ZNF365: variants seen among roughly 807,000 people sequenced by gnomAD.
ZNF365 encodes zinc finger protein 365.
A neutral mutation model predicts 35.0 loss-of-function variants in ZNF365; 22 were observed. That is an observed-to-expected ratio of 0.63 (90% CI 0.45 to 0.90). The LOEUF (loss-of-function observed/expected upper bound fraction) is 0.90. ZNF365 is among the 40% of genes least tolerant of loss of function. The pLI is 0.00. For synonymous variants in ZNF365, 188 were observed against 196.2 expected (o/e 0.96, Z 0.35); for missense variants, 448 against 500.3 (o/e 0.90, Z 1.00).
intron 3 of ZNF365, among the ~76,000 whole-genome samples, chr10:62,408,160 T>C (rs1839932109): frequency 6.6e-6 from 1 of 152,130 alleles, no homozygotes; most frequent in Admixed American, 6.5e-5. Context: ...GGAAAATAGA[T>C]AGAATGATGT....
chr10:62,469,098 C>T (rs751080036), intron 4 of ZNF365, among the ~76,000 whole-genome samples: 40 of 152,206 alleles, frequency 2.6e-4, no homozygotes, highest in Non-Finnish European at 5.3e-4. Flanking sequence ...TTCATGGCAA[C>T]AGTTTTGTGG....
At chr10:62,446,766 G>A (rs1293151856) in intron 3 of ZNF365, among the ~76,000 whole-genome samples, 1 of 152,152 alleles carries the variant, frequency 6.6e-6, no homozygotes, top group Non-Finnish European at 1.5e-5. Flanking sequence ...GCCACCCTGG[G>A]TGAAACGGCT....
chr10:62,433,989 G>C (rs1428371521), intron 3 of ZNF365, among the ~76,000 whole-genome samples: 3 of 152,138 alleles, frequency 2.0e-5, no homozygotes, highest in Non-Finnish European at 4.4e-5. Context: ...GGCTTTCTCA[G>C]ACTTAGTTTC....
intron 2 of ZNF365, among the ~76,000 whole-genome samples, chr10:62,383,148 T>C (rs1347973024): frequency 2.6e-5 from 4 of 152,232 alleles, no homozygotes; most frequent in African/African-American, 9.6e-5. Flanking sequence ...TAGTTGCACA[T>C]TTCATGCATT....
At chr10:62,424,283 G>C (rs1480903726) in intron 3 of ZNF365, among the ~76,000 whole-genome samples, 2 of 152,134 alleles carry the variant, frequency 1.3e-5, no homozygotes, top group African/African-American at 2.4e-5. Context: ...GAGATGAAGA[G>C]GTGGTAAGGT....
chr10:62,436,931 C>T (rs1157808496), intron 3 of ZNF365, among the ~76,000 whole-genome samples: 1 of 152,136 alleles, frequency 6.6e-6, no homozygotes, highest in African/African-American at 2.4e-5. Flanking sequence ...GGCTAGCACA[C>T]ACACACACCA....
intron 3 of ZNF365, among the ~76,000 whole-genome samples, chr10:62,420,449 C>T (rs1329646680): frequency 6.6e-6 from 1 of 152,130 alleles, no homozygotes; most frequent in Non-Finnish European, 1.5e-5. Flanking sequence ...GTAACTATGT[C>T]ACAGAAAAAG....
chr10:62,405,023 A>T (rs1839885038), downstream of ZNF365, among the ~76,000 whole-genome samples: 1 of 152,178 alleles, frequency 6.6e-6, no homozygotes, highest in African/African-American at 2.4e-5. Context: ...GAAACAGGAG[A>T]TGTACATCTT....
chr10:62,399,751 G>C lies in ZNF365; in HGVS notation c.1186G>C (p.Ala396Pro). The C allele has an allele frequency of 1.2e-6, 2 of 1,613,680 alleles. No individual in the cohort carries two copies. Among genetic ancestry groups the C allele is most frequent in the East Asian group, 4.5e-5 (2 of 44,872 alleles). ...GRKGNIRPKM[A>P]KKKPTAIVNI... ...CAAAGGCAACATCAGGCCCAAAATG[G>C]CTAAAAAAAAGCCAACAGCCATTGT... Residue 396 changes from alanine (A) to proline (P), a missense_variant, in exon 5 of 5, where the codon GCT becomes CCT. Physicochemically the swap from Ala to Pro is conservative, Grantham distance 27. Around this residue, in one of 3 missense-constraint regions of ZNF365, gnomAD observed 362 missense variants for 375.7 expected, o/e 0.96. Transcript: ENST00000395254.
At chr10:62,399,133 T>A (rs1839780432) in intron 4 of ZNF365, among the ~76,000 whole-genome samples, 1 of 152,206 alleles carries the variant, frequency 6.6e-6, no homozygotes, top group Non-Finnish European at 1.5e-5. Flanking sequence ...ATCCTGGCAG[T>A]CATATGCTTT....
downstream of ZNF365, among the ~76,000 whole-genome samples, chr10:62,405,184 A>G (rs1423008234): frequency 6.6e-6 from 1 of 152,340 alleles, no homozygotes; most frequent in East Asian, 1.9e-4. Flanking sequence ...CAGTTAAATC[A>G]ACAGCAGTTC....
At chr10:62,479,705 T>C (rs1841190218) in intron 4 of ZNF365, among the ~76,000 whole-genome samples, 4 of 152,222 alleles carry the variant, frequency 2.6e-5, no homozygotes, top group Admixed American at 2.6e-4. Context: ...TTCTCAGTTG[T>C]AGAAGACGCT....
intron 4 of ZNF365, among the ~76,000 whole-genome samples, chr10:62,466,123 G>A (rs1840939077): frequency 6.6e-6 from 1 of 152,198 alleles, no homozygotes; most frequent in South Asian, 2.1e-4. Context: ...ACAAGAAGGA[G>A]AGAAGAGTTG....
rs1406060768 is a variant in ZNF365, at chr10:62,400,206, G to A, written c.*417G>A. Reference sequence around the variant, plus strand: ...AAAGTGCGAGGCAAGGAATGGCAGTGTAAAGTTCTGTTAATAGCAGTAAAA... The same window carrying A: ...AAAGTGCGAGGCAAGGAATGGCAGTATAAAGTTCTGTTAATAGCAGTAAAA... On this transcript the variant is annotated 3_prime_UTR_variant, in exon 5 of 5. Transcript: ENST00000395254. The A allele has an allele frequency of 1.0e-6, 1 of 998,854 alleles. No homozygotes were observed. Among genetic ancestry groups the A allele is most frequent in the Non-Finnish European group, 1.2e-6 (1 of 837,302 alleles). 61.9% of individuals were successfully genotyped at this position (998,854 alleles called of 1,614,324 possible). A position where few individuals can be genotyped will look rare whatever the true frequency, so the allele number is the denominator to read the frequency against.
Position 62,385,022 on chromosome 10 carries a change from A to G in ZNF365, c.744-3374A>G, listed in dbSNP as rs184524463. Reference sequence around the variant, plus strand: ...GAGATGTACACACATGATATTCCACAATTAGTCACTTGGTTTTGATCCCTT... The same window carrying G: ...GAGATGTACACACATGATATTCCACGATTAGTCACTTGGTTTTGATCCCTT... On this transcript the variant is annotated intron_variant, in intron 2 of 4. Coordinates refer to ENST00000395254, the MANE Select transcript of ZNF365 (RefSeq NM_014951.3). Among the ~76,000 whole-genome samples, 7 of 152,308 alleles carry G rather than the reference A, an allele frequency of 4.6e-5. 1 individual carries two copies. The highest frequency in any genetic ancestry group is 4.6e-4 in the Admixed American group (7 of 15,306).
intron 2 of ZNF365, among the ~76,000 whole-genome samples, chr10:62,386,882 CTGAA>C (rs1173638747): frequency 6.6e-6 from 1 of 152,102 alleles, no homozygotes; most frequent in African/African-American, 2.4e-5. Context: ...TCTAGAACAA[CTGAA>C]TGAGGTTGGA....
chr10:62,478,198 C>T (rs1426996641), intron 4 of ZNF365, among the ~76,000 whole-genome samples: 3 of 152,164 alleles, frequency 2.0e-5, no homozygotes, highest in African/African-American at 7.2e-5. Flanking sequence ...AGCCATCTGC[C>T]TCTCACATAC....
intron 4 of ZNF365, among the ~76,000 whole-genome samples, chr10:62,463,648 T>C (rs1268231149): frequency 6.6e-6 from 1 of 152,236 alleles, no homozygotes; most frequent in Non-Finnish European, 1.5e-5. Context: ...CTAGAAACTT[T>C]AAAGATGGTA....
At chr10:62,427,331 T>C (rs911647394) in intron 3 of ZNF365, among the ~76,000 whole-genome samples, 1 of 152,192 alleles carries the variant, frequency 6.6e-6, no homozygotes, top group Non-Finnish European at 1.5e-5. Context: ...TAGCATTGTG[T>C]TACAACCACC....
Sources: allele counts gnomAD v4.1 joint callset (sites outside exome capture counted in the v4.1 genomes callset), GRCh38; gene constraint gnomAD v4.1.1; regional missense constraint gnomAD v4.1.1; transcripts MANE v1.5; gene names NCBI Gene and HGNC (gene_info 2026-07-23, HGNC 2026-07-21).